The following NALF1 variants were observed in gnomAD, a reference collection of about 807,000 sequenced individuals.
NALF1 encodes the protein family with sequence similarity 155 member A.
Under a neutral mutation model 48.4 loss-of-function variants are expected in NALF1, and 3 were observed. The observed-to-expected ratio is 0.06, with a 90% confidence interval of 0.03 to 0.16. NALF1 has a LOEUF of 0.16. Ranked by LOEUF, NALF1 falls within the 10% of genes least tolerant of loss-of-function variation. NALF1 has a pLI of 1.00. For missense variants in NALF1, 526 were observed against 571.5 expected, an observed-to-expected ratio of 0.92 and a Z score of 0.81; for synonymous variants, 262 against 245.7, an observed-to-expected ratio of 1.07 and a Z score of -0.62.
At chr13:107,318,166 G>A (rs375383617) in intron 1 of NALF1, among the ~76,000 whole-genome samples, 1 of 152,028 alleles carries the variant, frequency 6.6e-6, no homozygotes, top group African/African-American at 2.4e-5. Context: ...TATTAAAAAA[G>A]TCCTAAGCAA....
At chr13:107,668,720 G>A (rs993747316) in intron 1 of NALF1, among the ~76,000 whole-genome samples, 2 of 152,016 alleles carry the variant, frequency 1.3e-5, no homozygotes, top group Non-Finnish European at 2.9e-5. Flanking sequence ...CTCATGTAGA[G>A]TCCAGGCCTC....
chr13:107,750,380 A>G (rs1876903601), intron 1 of NALF1, among the ~76,000 whole-genome samples: 1 of 152,216 alleles, frequency 6.6e-6, no homozygotes, highest in South Asian at 2.1e-4. Flanking sequence ...GAAGCTATGT[A>G]AACAATGTTT....
intron 1 of NALF1, among the ~76,000 whole-genome samples, chr13:107,400,014 A>G (rs1274361696): frequency 6.6e-6 from 1 of 152,196 alleles, no homozygotes; most frequent in East Asian, 1.9e-4. Context: ...TAATAAAAAA[A>G]GACAATAGAA....
chr13:107,271,774 C>CTATATATATATATATATATATATATA (rs397838456), intron 1 of NALF1, among the ~76,000 whole-genome samples: 1 of 27,630 alleles, frequency 3.6e-5, no homozygotes, highest in African/African-American at 9.7e-5. Flanking sequence ...TGCTACTGGA[C>CTATATATATATATATATATATATATA]TATATATATA....
At chr13:107,393,999 G>A (rs1017378702) in intron 1 of NALF1, among the ~76,000 whole-genome samples, 10 of 152,164 alleles carry the variant, frequency 6.6e-5, no homozygotes, top group Non-Finnish European at 2.9e-5. Context: ...TGGTAGCTGA[G>A]GAAGTAGTGT....
intron 1 of NALF1, among the ~76,000 whole-genome samples, chr13:107,682,521 T>C (rs1881332653): frequency 6.6e-6 from 1 of 152,132 alleles, no homozygotes. Flanking sequence ...AGCTCAAATA[T>C]TTCATCCCGA....
At chr13:107,243,815 C>A (rs1594086337) in intron 1 of NALF1, among the ~76,000 whole-genome samples, 2 of 152,166 alleles carry the variant, frequency 1.3e-5, no homozygotes, top group East Asian at 3.9e-4. Flanking sequence ...GCTGTGGCTA[C>A]AGGAGGCGGC....
At chr13:107,767,184 A>G (rs1877439414) in intron 1 of NALF1, among the ~76,000 whole-genome samples, 1 of 152,218 alleles carries the variant, frequency 6.6e-6, no homozygotes, top group Admixed American at 6.5e-5. Flanking sequence ...AAACCGGTAA[A>G]TCATTAACAA....
intron 2 of NALF1, among the ~76,000 whole-genome samples, chr13:107,187,203 A>G (rs1029796637): frequency 6.6e-6 from 1 of 151,710 alleles, no homozygotes; most frequent in African/African-American, 2.4e-5. Context: ...CTGATGAGCA[A>G]TCTTAGTTCC....
intron 1 of NALF1, among the ~76,000 whole-genome samples, chr13:107,554,190 T>G (rs115478811): frequency 6.6e-6 from 1 of 152,190 alleles, no homozygotes; most frequent in East Asian, 1.9e-4. Context: ...AACTCGAGGC[T>G]GTGCCACAAG....
At chr13:107,616,189 T>C (rs979032601) in intron 1 of NALF1, among the ~76,000 whole-genome samples, 2 of 152,200 alleles carry the variant, frequency 1.3e-5, no homozygotes, top group African/African-American at 2.4e-5. Context: ...AAAATAAAAG[T>C]TTATCATCAT....
At chr13:107,282,024 T>C (rs973718009) in intron 1 of NALF1, among the ~76,000 whole-genome samples, 10 of 152,166 alleles carry the variant, frequency 6.6e-5, no homozygotes, top group African/African-American at 2.4e-4. Flanking sequence ...CACCATATCA[T>C]TGACCCAGAA....
intron 1 of NALF1, among the ~76,000 whole-genome samples, chr13:107,710,917 A>G (rs905217475): frequency 6.6e-6 from 1 of 151,736 alleles, no homozygotes. Flanking sequence ...TAATATATAC[A>G]CACACACAAA....
At chr13:107,686,678 C>T (rs577127386) in intron 1 of NALF1, among the ~76,000 whole-genome samples, 166 of 152,262 alleles carry the variant, frequency 1.1e-3, no homozygotes, top group African/African-American at 3.7e-3. Context: ...AGACATACAA[C>T]GGCCCACAAT....
intron 1 of NALF1, among the ~76,000 whole-genome samples, chr13:107,330,817 A>C (rs914236749): frequency 6.6e-6 from 1 of 152,246 alleles, no homozygotes; most frequent in Non-Finnish European, 1.5e-5. Context: ...TAGAATGCTC[A>C]AACAAGAATA....
chr13:107,741,968 G>T (rs1040635551), intron 1 of NALF1, among the ~76,000 whole-genome samples: 1 of 152,236 alleles, frequency 6.6e-6, no homozygotes, highest in African/African-American at 2.4e-5. Flanking sequence ...GTCTTATGTG[G>T]CTAATAATAA....
intron 1 of NALF1, among the ~76,000 whole-genome samples, chr13:107,374,372 T>G (rs1883300303): frequency 6.6e-6 from 1 of 152,200 alleles, no homozygotes; most frequent in East Asian, 1.9e-4. Context: ...GTGGACCCTT[T>G]TTATTGGGTT....
chr13:107,843,165 A>T (rs771922784), intron 1 of NALF1, among the ~76,000 whole-genome samples: 1 of 152,224 alleles, frequency 6.6e-6, no homozygotes, highest in Non-Finnish European at 1.5e-5. Flanking sequence ...CACTTCTATG[A>T]TACTTAAAAT....
chr13:107,677,727 C>A (rs1881167362), intron 1 of NALF1, among the ~76,000 whole-genome samples: 1 of 152,058 alleles, frequency 6.6e-6, no homozygotes, highest in Non-Finnish European at 1.5e-5. Context: ...TTTTTATCAT[C>A]CACCTATTGT....
Sources: allele counts gnomAD v4.1 joint callset (sites outside exome capture counted in the v4.1 genomes callset), GRCh38; gene constraint gnomAD v4.1.1; transcripts MANE v1.5; gene names NCBI Gene and HGNC (gene_info 2026-07-23, HGNC 2026-07-21).